Variants in IKZF1 observed in about 807,000 individuals in gnomAD.
The protein encoded by IKZF1 is IKAROS family zinc finger 1, also known as DNA-binding protein Ikaros.
IKZF1 carries 10 observed loss-of-function variants against 51.7 expected under a neutral mutation model. The ratio of observed to expected loss-of-function variants is 0.19; its 90% CI spans 0.12 to 0.33. IKZF1 has a LOEUF of 0.33. Ranked by LOEUF, IKZF1 falls within the 10% of genes least tolerant of loss-of-function variation. IKZF1 has a pLI of 1.00. For missense variants in IKZF1, 484 were observed against 707.5 expected, an observed-to-expected ratio of 0.68 and a Z score of 3.58; for synonymous variants, 280 against 282.3, an observed-to-expected ratio of 0.99 and a Z score of 0.08.
chr7:50,319,255 C>T (rs1421081265), intron 2 of IKZF1, among the ~76,000 whole-genome samples, 154 bp downstream of exon 2: 1 of 152,056 alleles, frequency 6.6e-6, no homozygotes, highest in African/African-American at 2.4e-5. Context: ...TTTCCTTCAC[C>T]TGTTACAAAT....
intron 3 of IKZF1, among the ~76,000 whole-genome samples, chr7:50,333,841 A>G (rs1230627858): frequency 6.6e-6 from 1 of 152,196 alleles, no homozygotes; most frequent in Non-Finnish European, 1.5e-5. Context: ...TTCATCTTGC[A>G]ATTTACTACC....
At chr7:50,331,634 A>T (rs1307871042) in intron 3 of IKZF1, among the ~76,000 whole-genome samples, 2 of 152,210 alleles carry the variant, frequency 1.3e-5, no homozygotes, top group African/African-American at 4.8e-5. Flanking sequence ...GGTGGAAATC[A>T]GTTCCCTATG....
At chr7:50,324,357 G>A (rs527536841) in intron 2 of IKZF1, among the ~76,000 whole-genome samples, 1 of 152,252 alleles carries the variant, frequency 6.6e-6, no homozygotes, top group Admixed American at 6.5e-5. Context: ...GTTCAGGCAA[G>A]GCGAGCTTGA....
intron 5 of IKZF1, among the ~76,000 whole-genome samples, chr7:50,387,085 A>G (rs1813596433): frequency 6.6e-6 from 1 of 152,224 alleles, no homozygotes; most frequent in African/African-American, 2.4e-5. Flanking sequence ...CCGTGATTGA[A>G]GCAGGAGAGA....
chr7:50,309,014 A>T (rs1227594598), intron 1 of IKZF1: 2 of 152,460 alleles, frequency 1.3e-5, no homozygotes, highest in African/African-American at 4.8e-5. Context: ...AGCCCAGAGC[A>T]GCTCCCCATA....
chr7:50,366,049 T>G (rs1806836086), intron 3 of IKZF1, among the ~76,000 whole-genome samples: 4 of 152,144 alleles, frequency 2.6e-5, no homozygotes, highest in Admixed American at 2.6e-4. Flanking sequence ...GCAGATGTTC[T>G]CACTTTTAAG....
intron 4 of IKZF1, among the ~76,000 whole-genome samples, chr7:50,379,270 CT>C (rs1811171169): frequency 6.6e-6 from 1 of 152,236 alleles, no homozygotes. Context: ...GGAATCCCCA[CT>C]GGACAGGCTA....
chr7:50,371,132 G>C (rs1270931914), intron 3 of IKZF1, among the ~76,000 whole-genome samples: 2 of 152,200 alleles, frequency 1.3e-5, no homozygotes, highest in Non-Finnish European at 2.9e-5. Context: ...AGTGGCAGTT[G>C]TTAAGAAACT....
chr7:50,338,808 C>T (rs1470719066), intron 3 of IKZF1, among the ~76,000 whole-genome samples: 1 of 152,204 alleles, frequency 6.6e-6, no homozygotes, highest in East Asian at 1.9e-4. Flanking sequence ...GCTACTGTCT[C>T]CCACCAGATA....
At chr7:50,319,799 C>T (rs1792659969) in intron 2 of IKZF1, among the ~76,000 whole-genome samples, 1 of 152,200 alleles carries the variant, frequency 6.6e-6, no homozygotes, top group South Asian at 2.1e-4. Flanking sequence ...TATTTTTGAG[C>T]CTCACAGACT....
chr7:50,332,768 C>T (rs1483924589), intron 3 of IKZF1, among the ~76,000 whole-genome samples: 2 of 152,130 alleles, frequency 1.3e-5, no homozygotes, highest in Non-Finnish European at 2.9e-5. Flanking sequence ...ATCGGGACAA[C>T]CTCAGGCAGT....
At chr7:50,367,037 A>G (rs1035826348) in intron 3 of IKZF1, among the ~76,000 whole-genome samples, 1 of 152,198 alleles carries the variant, frequency 6.6e-6, no homozygotes, top group African/African-American at 2.4e-5. Flanking sequence ...AAAGCTGTTC[A>G]AGAAACAGCT....
At chr7:50,358,463 C>T (rs1233974784) in intron 3 of IKZF1, among the ~76,000 whole-genome samples, 7 of 152,178 alleles carry the variant, frequency 4.6e-5, no homozygotes, top group African/African-American at 1.7e-4. Context: ...CAGCTAATGG[C>T]GGGGACCTGG....
intron 3 of IKZF1, among the ~76,000 whole-genome samples, chr7:50,345,090 A>G (rs920814617): frequency 6.6e-6 from 1 of 152,062 alleles, no homozygotes; most frequent in East Asian, 1.9e-4. Context: ...TATTCTTAGA[A>G]GTCTGGAGTC....
rs1446588108 is a variant in IKZF1 at position 50,369,939 on chromosome 7, G to T, written c.161-6594G>T. Among the ~76,000 whole-genome samples, 5 of 152,126 alleles carry T rather than the reference G, an allele frequency of 3.3e-5. No homozygotes were observed. In the East Asian group the frequency reaches 9.7e-4, roughly 29 times the overall value. On this transcript the variant is annotated intron_variant, in intron 3 of 7. Transcript: ENST00000331340. ...TAAATGATATTAAGTTATAATAAAT[G>T]GTTCCATGAACTTTAAAACGCTTAA...
At chr7:50,397,906 A>C (rs1236620959) in intron 7 of IKZF1, among the ~76,000 whole-genome samples, 1 of 152,214 alleles carries the variant, frequency 6.6e-6, no homozygotes, top group Non-Finnish European at 1.5e-5. Flanking sequence ...GACCACCAGT[A>C]GATGAAAACG....
At chr7:50,321,025 A>C (rs1240090800) in intron 2 of IKZF1, among the ~76,000 whole-genome samples, 1 of 152,232 alleles carries the variant, frequency 6.6e-6, no homozygotes, top group Non-Finnish European at 1.5e-5. Flanking sequence ...GATGGTATGC[A>C]AAGTATGATC....
intron 3 of IKZF1, among the ~76,000 whole-genome samples, chr7:50,338,203 A>T (rs1798236598): frequency 6.6e-6 from 1 of 152,232 alleles, no homozygotes. Context: ...AACTATGGAA[A>T]GTTGCTTATT....
intron 3 of IKZF1, among the ~76,000 whole-genome samples, chr7:50,371,381 G>A (rs1018152719): frequency 6.6e-6 from 1 of 152,184 alleles, no homozygotes; most frequent in Non-Finnish European, 1.5e-5. Flanking sequence ...CAGAGCCTCC[G>A]TCACAACTGC....
Sources: gnomAD v4.1 joint callset for allele counts (sites outside exome capture counted in the v4.1 genomes callset) on GRCh38, gnomAD v4.1.1 for gene constraint, MANE v1.5 for transcripts, NCBI Gene and HGNC (gene_info 2026-07-23, HGNC 2026-07-21) for gene names.